Variants in PLD5 observed in about 807,000 individuals in gnomAD.
The protein encoded by PLD5 is phospholipase D family member 5, also known as inactive phospholipase D5.
Under a neutral mutation model 61.1 loss-of-function variants are expected in PLD5, and 36 were observed. The observed-to-expected ratio is 0.59, with a 90% CI of 0.45 to 0.78. The LOEUF is 0.78. PLD5 is among the 30% of genes least tolerant of loss of function. The pLI is 0.00. For synonymous variants in PLD5, 243 were observed against 242.8 expected (o/e 1.00, Z -0.01); for missense variants, 515 against 644.4 (o/e 0.80, Z 2.17).
At chr1:242,129,038 A>G (rs2252441) in intron 5 of PLD5, among the ~76,000 whole-genome samples, 58,578 of 151,946 alleles carry the variant, frequency 0.39, 12,042 homozygotes, top group East Asian at 0.61. Flanking sequence ...AGGGAAGAAT[A>G]TTTATGAACA....
At position 242,128,907 on chromosome 1, in the gene PLD5, G is replaced by T. The variant is rs563413112; in HGVS notation, c.736-4242C>A. On this transcript the variant is annotated intron_variant, in intron 5 of 9. Coordinates refer to ENST00000536534, the MANE Select transcript of PLD5 (RefSeq NM_001372062.1). ...AATGAAAAGGCACAGGCAAATATTA[G>T]CTCAGTGCCTGGCTCAAACCGCATT... 3.3e-5 allele frequency among the ~76,000 whole-genome samples: 5 copies of T among 152,316 alleles called. No homozygotes were observed. The South Asian group carries it at 1.0e-3, about 32-fold the overall frequency.
chr1:242,328,285 ATATG>A (rs1011584494), intron 2 of PLD5, among the ~76,000 whole-genome samples: 6 of 151,772 alleles, frequency 4.0e-5, no homozygotes, highest in African/African-American at 1.5e-4. Flanking sequence ...TATATTATAT[ATATG>A]TATGTATGTT....
chr1:242,527,114 C>CTTTTTTT (rs530334746), upstream of PLD5, among the ~76,000 whole-genome samples: 752 of 71,908 alleles, frequency 0.01, 134 homozygotes, highest in Non-Finnish European at 0.015. Context: ...CTATCTCCTT[C>CTTTTTTT]TTTTTTTTTT....
intron 5 of PLD5, among the ~76,000 whole-genome samples, chr1:242,168,474 A>G (rs1666484103): frequency 6.6e-6 from 1 of 152,194 alleles, no homozygotes; most frequent in African/African-American, 2.4e-5. Context: ...GAATATATAT[A>G]ATAATTCCTT....
At chr1:242,274,583 T>C (rs1447418913) in intron 3 of PLD5, among the ~76,000 whole-genome samples, 1 of 151,978 alleles carries the variant, frequency 6.6e-6, no homozygotes, top group Non-Finnish European at 1.5e-5. Context: ...TGAAACCCCA[T>C]CTCTACTAAA....
the PLD5 span, among the ~76,000 whole-genome samples, chr1:242,530,125 C>T: frequency 1.2e-4 from 18 of 152,144 alleles, no homozygotes; most frequent in South Asian, 2.1e-4. Flanking sequence ...AACTCCCGAC[C>T]TCAGGCGATC....
intron 2 of PLD5, among the ~76,000 whole-genome samples, chr1:242,341,015 T>C (rs1448917256): frequency 6.6e-6 from 1 of 151,976 alleles, no homozygotes; most frequent in Non-Finnish European, 1.5e-5. Context: ...TTAATAGAAG[T>C]CTTCATGAAA....
intron 3 of PLD5, among the ~76,000 whole-genome samples, chr1:242,287,156 T>C (rs181053588): frequency 1.3e-5 from 2 of 152,086 alleles, no homozygotes; most frequent in Non-Finnish European, 2.9e-5. Context: ...TGACAGAACA[T>C]GCAGAGAGAC....
intron 1 of PLD5, among the ~76,000 whole-genome samples, chr1:242,397,750 G>A (rs1262944482): frequency 2.0e-5 from 3 of 150,270 alleles, no homozygotes; most frequent in African/African-American, 7.3e-5. Context: ...ATTCTTCCTG[G>A]AGCTTCTTAG....
At chr1:242,328,381 TCA>T (rs1206939946) in intron 2 of PLD5, among the ~76,000 whole-genome samples, 2 of 152,168 alleles carry the variant, frequency 1.3e-5, no homozygotes, top group Non-Finnish European at 2.9e-5. Flanking sequence ...CTACATGTGT[TCA>T]CACGTGTTCT....
At chr1:242,154,772 C>T (rs147506862) in intron 5 of PLD5, among the ~76,000 whole-genome samples, 21 of 152,136 alleles carry the variant, frequency 1.4e-4, no homozygotes, top group Admixed American at 9.2e-4. Flanking sequence ...ATTTTCACCT[C>T]GATGTTCATC....
chr1:242,495,986 G>T (rs139676836), intron 1 of PLD5, among the ~76,000 whole-genome samples: 186 of 152,234 alleles, frequency 1.2e-3, no homozygotes, highest in African/African-American at 4.2e-3. Context: ...GCATCAAATT[G>T]GTGTAATGTA....
In PLD5 at chr1:242,083,960, C is replaced by G. The variant is rs547268890; in HGVS notation, c.*5894G>C. ...GTCTCATCTGCTTTTCAGAATTTTC[C>G]GCCCATGGGGAATAGGAGAGTCCAT... On this transcript the variant is annotated 3_prime_UTR_variant, in exon 10 of 10. Coordinates refer to ENST00000536534, the MANE Select transcript of PLD5 (RefSeq NM_001372062.1). 4.1e-4 allele frequency: 62 copies of G among 152,152 alleles called. 1 individual carries two copies. The highest frequency in any genetic ancestry group is 1.4e-3 in the African/African-American group (60 of 41,504). 9.4% of individuals were successfully genotyped at this position (152,152 alleles called of 1,614,324 possible).
At chr1:242,389,607 C>T (rs1318015961) in intron 1 of PLD5, among the ~76,000 whole-genome samples, 1 of 151,722 alleles carries the variant, frequency 6.6e-6, no homozygotes, top group Non-Finnish European at 1.5e-5. Context: ...TGTATCCAAG[C>T]AGCAGACGGA....
intron 5 of PLD5, among the ~76,000 whole-genome samples, chr1:242,156,338 T>A (rs952497331): frequency 6.6e-6 from 1 of 152,238 alleles, no homozygotes. Flanking sequence ...ATTGGGGCAT[T>A]TAGCCCATTT....
intron 1 of PLD5, among the ~76,000 whole-genome samples, chr1:242,438,144 C>A (rs1254043578): frequency 1.3e-5 from 2 of 152,030 alleles, no homozygotes; most frequent in East Asian, 3.9e-4. Flanking sequence ...TAACAAGTAA[C>A]TTTTTAAAAG....
At chr1:242,398,240 C>T (rs774085063) in intron 1 of PLD5, among the ~76,000 whole-genome samples, 1 of 152,170 alleles carries the variant, frequency 6.6e-6, no homozygotes, top group Non-Finnish European at 1.5e-5. Context: ...CCTAGACATA[C>T]AGATTATCAT....
At chr1:242,267,984 G>A (rs1673802352) in intron 3 of PLD5, among the ~76,000 whole-genome samples, 3 of 151,988 alleles carry the variant, frequency 2.0e-5, no homozygotes, top group South Asian at 4.2e-4. Context: ...AGAAAAAAAT[G>A]TGCTGATTTG....
chr1:242,229,278 T>C (rs1353430462), intron 4 of PLD5, among the ~76,000 whole-genome samples: 1 of 152,222 alleles, frequency 6.6e-6, no homozygotes, highest in Non-Finnish European at 1.5e-5. Context: ...ACAGAATTTA[T>C]CTCCAAGTTC....
Sources: allele counts gnomAD v4.1 joint callset (sites outside exome capture counted in the v4.1 genomes callset), GRCh38; gene constraint gnomAD v4.1.1; transcripts MANE v1.5; gene names NCBI Gene and HGNC (gene_info 2026-07-23, HGNC 2026-07-21).